PTAFR: variants seen among roughly 807,000 people sequenced by gnomAD.
PTAFR encodes the protein platelet-activating factor receptor.
In PTAFR, 8 loss-of-function variants were observed where a neutral mutation model predicts 14.7. The ratio of observed to expected loss-of-function variants is 0.54; its 90% CI spans 0.32 to 0.98. The LOEUF is 0.98. Among genes scored for constraint, PTAFR ranks in the 50% least tolerant of loss-of-function variants. The probability of loss-of-function intolerance (pLI) is 0.04; values close to 1 mark genes in which losing one functional copy is unlikely to be tolerated. For missense variants in PTAFR, 337 were observed against 451.2 expected, an observed-to-expected ratio of 0.75 and a Z score of 2.29; for synonymous variants, 156 against 176.5, an observed-to-expected ratio of 0.88 and a Z score of 0.92.
chr1:28,190,894 G>A (rs1021910342), intron 1 of PTAFR, among the ~76,000 whole-genome samples: 15 of 152,042 alleles, frequency 9.9e-5, no homozygotes, highest in Admixed American at 2.6e-4. Flanking sequence ...ACTTCACAAC[G>A]GTGTCACCTT....
At chr1:28,167,779 C>T (rs954103169) in intron 1 of PTAFR, among the ~76,000 whole-genome samples, 1 of 150,512 alleles carries the variant, frequency 6.6e-6, no homozygotes, top group Non-Finnish European at 1.5e-5. Flanking sequence ...GCTGGGACTA[C>T]AGGCACCCGC....
At chr1:28,161,719 G>A (rs1228255755) in intron 1 of PTAFR, among the ~76,000 whole-genome samples, 1 of 152,114 alleles carries the variant, frequency 6.6e-6, no homozygotes, top group Non-Finnish European at 1.5e-5. Context: ...ACCACAGACA[G>A]CTTTACCATG....
intron 1 of PTAFR, among the ~76,000 whole-genome samples, chr1:28,171,322 C>CAAA (rs1412074690): frequency 9.3e-6 from 1 of 107,362 alleles, no homozygotes. Context: ...GACTCCATCT[C>CAAA]AAAAAAAAAA....
upstream of PTAFR, among the ~76,000 whole-genome samples, chr1:28,181,057 A>C (rs746341803): frequency 1.3e-5 from 2 of 151,988 alleles, no homozygotes; most frequent in Non-Finnish European, 2.9e-5. Flanking sequence ...TGTGTTGTCC[A>C]GGCTGATCTC....
At chr1:28,153,827 G>T (rs1646226478) in intron 1 of PTAFR, among the ~76,000 whole-genome samples, 1 of 151,904 alleles carries the variant, frequency 6.6e-6, no homozygotes, top group East Asian at 1.9e-4. Context: ...GGCGGAGATT[G>T]CAGTAAGCCG....
chr1:28,152,766 T>C (rs1646209444), intron 1 of PTAFR, among the ~76,000 whole-genome samples: 1 of 151,562 alleles, frequency 6.6e-6, no homozygotes, highest in Non-Finnish European at 1.5e-5. Context: ...AAGTAATAAA[T>C]AATAATAAAA....
intron 1 of PTAFR, among the ~76,000 whole-genome samples, chr1:28,161,547 A>G (rs925724069): frequency 7.2e-5 from 11 of 152,100 alleles, no homozygotes; most frequent in Non-Finnish European, 1.5e-4. Context: ...AGGTCTCACT[A>G]TGTTGCCCAG....
chr1:28,156,204 A>G (rs1646261609), intron 1 of PTAFR, among the ~76,000 whole-genome samples: 1 of 151,844 alleles, frequency 6.6e-6, no homozygotes, highest in Admixed American at 6.6e-5. Context: ...CGGAGGTTGC[A>G]GTCAGCCGAG....
chr1:28,154,232 T>G (rs946429235), intron 1 of PTAFR, among the ~76,000 whole-genome samples: 2 of 151,934 alleles, frequency 1.3e-5, no homozygotes, highest in Non-Finnish European at 2.9e-5. Flanking sequence ...GGAAGTAAGA[T>G]CCCATGCTAC....
At chr1:28,191,790 T>G (rs1572053524) in intron 1 of PTAFR, among the ~76,000 whole-genome samples, 1 of 150,922 alleles carries the variant, frequency 6.6e-6, no homozygotes, top group Admixed American at 6.6e-5. Flanking sequence ...AGGCCAGGTG[T>G]GGTAGCTCAT....
At chr1:28,185,000 A>C in intron 1 of PTAFR, among the ~76,000 whole-genome samples, 1 of 151,854 alleles carries the variant, frequency 6.6e-6, no homozygotes, top group South Asian at 2.1e-4. Flanking sequence ...TCAGACACTC[A>C]AAGTTAGGTC....
intron 1 of PTAFR, among the ~76,000 whole-genome samples, chr1:28,165,731 C>T (rs1393466251): frequency 1.3e-5 from 2 of 151,848 alleles, no homozygotes; most frequent in East Asian, 1.9e-4. Flanking sequence ...TACAGTGAGC[C>T]GAGATCGTGC....
intron 1 of PTAFR, among the ~76,000 whole-genome samples, chr1:28,186,182 A>G (rs1402425529): frequency 4.6e-5 from 7 of 152,062 alleles, no homozygotes; most frequent in Non-Finnish European, 1.5e-5. Context: ...ACAGGGTTTC[A>G]CCATGTTGGT....
intron 1 of PTAFR, among the ~76,000 whole-genome samples, chr1:28,167,592 C>T (rs921663065): frequency 1.9e-4 from 28 of 149,416 alleles, no homozygotes; most frequent in Non-Finnish European, 3.2e-4. Flanking sequence ...CCAACAGTTC[C>T]GCTCTGGGTA....
In PTAFR at chr1:28,150,085, T is replaced by C. The variant is rs1287950274; in HGVS notation, c.937A>G (p.Ser313Gly). 3.1e-6 allele frequency: 5 copies of C among 1,614,200 alleles called. No homozygotes were observed. Among genetic ancestry groups the C allele is most frequent in the Non-Finnish European group, 4.2e-6 (5 of 1,180,026 alleles). ...GTGGCCCGGGAGCATTTCCGGCTAC[T>C]GCGCATGCTGTAGAACTTTTCGGTG... ...HLTEKFYSMRSSRKCSRATTD... is the reference protein window; with the variant it reads ...HLTEKFYSMRGSRKCSRATTD... The change falls in exon 2 of 2, where the codon AGT (serine) becomes GGT (glycine). Residue 313 changes from serine (S) to glycine (G), a missense_variant. Transcript: ENST00000373857. This position sits in a 1 kb window ranked among gnomAD's most constrained non-coding sequence, Gnocchi z 6.3.
chr1:28,170,419 T>C (rs182891009), intron 1 of PTAFR, among the ~76,000 whole-genome samples: 4 of 152,190 alleles, frequency 2.6e-5, no homozygotes, highest in Admixed American at 1.3e-4. Flanking sequence ...AGCATCAACA[T>C]TGAGGCTGGA....
upstream of PTAFR, chr1:28,177,110 A>G (rs1646523690): frequency 6.6e-6 from 1 of 152,380 alleles, no homozygotes; most frequent in Admixed American, 6.6e-5. Context: ...TGAGAGGAAC[A>G]AGGAGATTCA....
At chr1:28,165,403 C>CAAAAA (rs36099131) in intron 1 of PTAFR, among the ~76,000 whole-genome samples, 2 of 45,892 alleles carry the variant, frequency 4.4e-5, no homozygotes, top group Non-Finnish European at 9.0e-5. Context: ...GACTCTGTCT[C>CAAAAA]AAAAAAAAAA....
chr1:28,183,126 T>C (rs922344755), intron 1 of PTAFR, among the ~76,000 whole-genome samples: 1 of 152,198 alleles, frequency 6.6e-6, no homozygotes, highest in African/African-American at 2.4e-5. Flanking sequence ...CAATGTTATG[T>C]AGTGGATAAT....
Sources: allele counts gnomAD v4.1 joint callset (sites outside exome capture counted in the v4.1 genomes callset), GRCh38; gene constraint gnomAD v4.1.1; non-coding constraint Gnocchi (gnomAD v3.1); transcripts MANE v1.5; gene names NCBI Gene and HGNC (gene_info 2026-07-23, HGNC 2026-07-21).